The following COG3 variants were observed in gnomAD, a reference collection of about 807,000 sequenced individuals.
COG3 encodes the protein conserved oligomeric Golgi complex subunit 3.
A neutral mutation model predicts 114.1 loss-of-function variants in COG3; 32 were observed. That is an observed-to-expected ratio of 0.28 (90% CI 0.21 to 0.38). The LOEUF is 0.38. Among genes scored for constraint, COG3 ranks in the 10% least tolerant of loss-of-function variants. The pLI is 1.00. For missense variants in COG3, 813 were observed against 973.2 expected, an observed-to-expected ratio of 0.84 and a Z score of 2.19; for synonymous variants, 352 against 365.7, an observed-to-expected ratio of 0.96 and a Z score of 0.43.
chr13:45,490,873 T>C, intron 8 of COG3, 42 bp from the exon 9 acceptor site: 1 of 1,205,640 alleles, frequency 8.3e-7, no homozygotes, highest in Non-Finnish European at 1.2e-6. Flanking sequence ...ATGGATAATA[T>C]AACAGAGATG....
At chr13:45,514,991 A>G (rs1448830006) in intron 16 of COG3, among the ~76,000 whole-genome samples, 1 of 152,174 alleles carries the variant, frequency 6.6e-6, no homozygotes, top group East Asian at 1.9e-4. Context: ...GTGAAAATGG[A>G]TTAATGTCTT....
At chr13:45,475,232 C>T (rs3126039) in intron 1 of COG3, among the ~76,000 whole-genome samples, 107,141 of 151,912 alleles carry the variant, frequency 0.71, 39,697 homozygotes, top group Middle Eastern at 0.81. Flanking sequence ...TAGACAGGGC[C>T]TCACTCTGTC....
chr13:45,530,650 A>G, intron 21 of COG3, 32 bp from the exon 22 acceptor site: 1 of 1,329,990 alleles, frequency 7.5e-7, no homozygotes, highest in Middle Eastern at 1.8e-4. Context: ...AAGACAACTC[A>G]TTTGATAAGA....
Position 45,486,500 on chromosome 13 carries a change from T to G in COG3, c.849T>G (p.Pro283=). ...CCTCCCCCATGTTTCTTTAGGATCC[T>G]TCATCTGTACCTAATGCAGACAATG... The part of the protein sequence containing the change: ...TLTSQLLKRD[P]SSVPNADNAF... Residue 283 remains proline (P), a synonymous_variant, in exon 8 of 23, where the codon CCT becomes CCG. Transcript: ENST00000349995. The G allele has an allele frequency of 6.3e-7, 1 of 1,598,414 alleles. No individual in the cohort carries two copies. Among genetic ancestry groups the G allele is most frequent in the East Asian group, 2.2e-5 (1 of 44,794 alleles).
chr13:45,513,893 A>C (rs1871243211), intron 16 of COG3, among the ~76,000 whole-genome samples: 1 of 152,126 alleles, frequency 6.6e-6, no homozygotes, highest in Non-Finnish European at 1.5e-5. Flanking sequence ...TGAAACAATA[A>C]AATTTAACTT....
At chr13:45,515,296 G>A (rs1311140683) in intron 16 of COG3, among the ~76,000 whole-genome samples, 2 of 152,138 alleles carry the variant, frequency 1.3e-5, no homozygotes, top group Non-Finnish European at 2.9e-5. Context: ...GCGAGACTGG[G>A]AAGGAATCTT....
intron 20 of COG3, among the ~76,000 whole-genome samples, chr13:45,525,257 A>T (rs917562652): frequency 6.8e-5 from 10 of 147,662 alleles, no homozygotes; most frequent in African/African-American, 2.5e-4. Flanking sequence ...GGAAGGAAGA[A>T]TTTTTTTTTT....
chr13:45,490,902 TC>T lies in COG3; in HGVS notation c.925-12del, dbSNP rs1394174009. The T allele has an allele frequency of 1.9e-6, 3 of 1,551,484 alleles. No individual in the cohort carries two copies. The East Asian group carries it at 6.9e-5, about 35-fold the overall frequency. On this transcript the variant is annotated splice_polypyrimidine_tract_variant and intron_variant, in intron 8 of 22. Coordinates refer to ENST00000349995, the MANE Select transcript of COG3 (RefSeq NM_031431.4). ...AGAGATGGTTTTTTGATGCATTTTTTCTTACTTTGCAGACTCTTATTGAACA... is the reference window on the plus strand; with the variant it reads ...AGAGATGGTTTTTTGATGCATTTTTTTTACTTTGCAGACTCTTATTGAACA...
intron 1 of COG3, among the ~76,000 whole-genome samples, chr13:45,474,156 T>C (rs1389136613): frequency 1.4e-4 from 2 of 13,794 alleles, no homozygotes; most frequent in African/African-American, 2.1e-4. Flanking sequence ...TTACTCTTTT[T>C]TTTTTTTTTT....
At chr13:45,481,799 TAA>T (rs146172893) in intron 5 of COG3, among the ~76,000 whole-genome samples, 1 of 152,168 alleles carries the variant, frequency 6.6e-6, no homozygotes, top group African/African-American at 2.4e-5. Context: ...TAACTATGTA[TAA>T]GTCATGTTAT....
At chr13:45,525,298 G>A (rs898752657) in intron 20 of COG3, among the ~76,000 whole-genome samples, 1 of 151,868 alleles carries the variant, frequency 6.6e-6, no homozygotes, top group Non-Finnish European at 1.5e-5. Flanking sequence ...ATAAAATATG[G>A]CTAAGATGGA....
Position 45,535,018 on chromosome 13 carries a change from G to GA in COG3, c.*290dup. 2 of 1,180,304 alleles carry GA rather than the reference G, an allele frequency of 1.7e-6. No homozygotes were observed. Among genetic ancestry groups the GA allele is most frequent in the Non-Finnish European group, 2.1e-6 (2 of 956,610 alleles). The allele number at this position is 1,180,304 out of a possible 1,614,324, so 73.1% of individuals were successfully genotyped here. On this transcript the variant is annotated 3_prime_UTR_variant, in exon 23 of 23. Transcript: ENST00000349995. ...GAGAGAGCTAGGGCAGACATGCAGTGAAATGGTTCTTTGTTAAAAATGTGC... is the reference window on the plus strand; with the variant it reads ...GAGAGAGCTAGGGCAGACATGCAGTGAAAATGGTTCTTTGTTAAAAATGTGC...
chr13:45,490,392 C>G (rs1886945921), intron 8 of COG3, among the ~76,000 whole-genome samples: 1 of 152,160 alleles, frequency 6.6e-6, no homozygotes, highest in African/African-American at 2.4e-5. Flanking sequence ...CAAACAGCTA[C>G]TAAGGAGCGG....
In COG3 at chr13:45,535,748, A is replaced by G; in HGVS notation, c.*1017A>G. ...AGCAAACCTAAGGATGACAAACACT[A>G]TCCACATCTGAAAACTACCACACCA... On this transcript the variant is annotated 3_prime_UTR_variant, in exon 23 of 23. Coordinates refer to ENST00000349995, the MANE Select transcript of COG3 (RefSeq NM_031431.4). 1.0e-6 allele frequency: 1 copy of G among 987,378 alleles called. No homozygotes were observed. The highest frequency in any genetic ancestry group is 1.2e-6 in the Non-Finnish European group (1 of 830,098). 61.2% of individuals were successfully genotyped at this position (987,378 alleles called of 1,614,324 possible). A position where few individuals can be genotyped will look rare whatever the true frequency, so the allele number is the denominator to read the frequency against.
intron 14 of COG3, among the ~76,000 whole-genome samples, chr13:45,507,794 G>T (rs539346544): frequency 2.3e-4 from 34 of 149,746 alleles, no homozygotes; most frequent in African/African-American, 7.8e-4. Flanking sequence ...AAAAGCCTGG[G>T]TGTGGTGGCT....
intron 17 of COG3, among the ~76,000 whole-genome samples, 173 bp from the exon 18 acceptor site, chr13:45,518,589 G>T (rs765861369): frequency 6.6e-6 from 1 of 152,164 alleles, no homozygotes; most frequent in African/African-American, 2.4e-5. Flanking sequence ...AAATAACTCT[G>T]TGAGTACTGT....
chr13:45,529,249 C>T (rs750349741), intron 20 of COG3, among the ~76,000 whole-genome samples: 2 of 152,150 alleles, frequency 1.3e-5, no homozygotes, highest in Non-Finnish European at 2.9e-5. Flanking sequence ...AGACATGACA[C>T]TTGGGTTTCA....
chr13:45,493,229 A>C, intron 11 of COG3, 118 bp from the exon 12 acceptor site: 1 of 756,270 alleles, frequency 1.3e-6, no homozygotes, highest in Non-Finnish European at 2.2e-6. Flanking sequence ...CTCAGATACT[A>C]TTTTCCAGTA....
At position 45,478,645 on chromosome 13, in the gene COG3, C is replaced by T. The variant is rs186917229; in HGVS notation, c.322-360C>T. On this transcript the variant is annotated intron_variant, in intron 2 of 22. Coordinates refer to ENST00000349995, the MANE Select transcript of COG3 (RefSeq NM_031431.4). ...CTGGGATTACAGGCATGTGCCACTA[C>T]GCCTGGCTAATTTTTGTATTTTTAG... Among the ~76,000 whole-genome samples the T allele has an allele frequency of 2.3e-3, 345 of 151,934 alleles. 5 individuals carry two copies. The highest frequency in any genetic ancestry group is 7.3e-3 in the African/African-American group (304 of 41,442).
Sources: gnomAD v4.1 joint callset for allele counts (sites outside exome capture counted in the v4.1 genomes callset) on GRCh38, gnomAD v4.1.1 for gene constraint, MANE v1.5 for transcripts, NCBI Gene and HGNC (gene_info 2026-07-23, HGNC 2026-07-21) for gene names.